Variants in MAGI2 observed in about 807,000 individuals in gnomAD.
MAGI2 encodes membrane-associated guanylate kinase, WW and PDZ domain-containing protein 2.
A neutral mutation model predicts 133.3 loss-of-function variants in MAGI2; 35 were observed. That is an observed-to-expected ratio of 0.26 (90% confidence interval 0.20 to 0.35). The LOEUF (loss-of-function observed/expected upper bound fraction) is 0.35, where lower values mean the gene tolerates loss of function less well. MAGI2 is among the 10% of genes least tolerant of loss of function. MAGI2 has a pLI of 1.00. For missense variants in MAGI2, 1,636 were observed against 1,863.4 expected (o/e 0.88, Z 2.25); for synonymous variants, 729 against 710.6 (o/e 1.03, Z -0.41).
intron 1 of MAGI2, among the ~76,000 whole-genome samples, chr7:79,383,627 A>G (rs1843964927): frequency 6.6e-6 from 1 of 151,582 alleles, no homozygotes; most frequent in Non-Finnish European, 1.5e-5. Context: ...ATTTATTAAT[A>G]TTAGAATCAT....
intron 9 of MAGI2, among the ~76,000 whole-genome samples, chr7:78,312,392 T>C (rs1194577058): frequency 6.6e-6 from 1 of 152,148 alleles, no homozygotes; most frequent in Non-Finnish European, 1.5e-5. Flanking sequence ...CTGTAAATTT[T>C]AGCTACCGCA....
At chr7:78,230,599 A>C (rs1269471251) in intron 10 of MAGI2, among the ~76,000 whole-genome samples, 1 of 152,196 alleles carries the variant, frequency 6.6e-6, no homozygotes, top group Non-Finnish European at 1.5e-5. Context: ...GTCAATTGAA[A>C]TTCTAGGCTC....
At chr7:78,859,109 C>A (rs1769287152) in intron 2 of MAGI2, among the ~76,000 whole-genome samples, 1 of 151,970 alleles carries the variant, frequency 6.6e-6, no homozygotes, top group African/African-American at 2.4e-5. Flanking sequence ...TTCCTCCATC[C>A]CTTTATTTTG....
intron 20 of MAGI2, among the ~76,000 whole-genome samples, chr7:78,123,011 T>G (rs1051905058): frequency 6.6e-6 from 1 of 152,210 alleles, no homozygotes; most frequent in Non-Finnish European, 1.5e-5. Context: ...TCCAGTAATA[T>G]TTTCTAATAA....
intron 2 of MAGI2, among the ~76,000 whole-genome samples, chr7:78,783,342 G>A (rs1031745859): frequency 2.6e-5 from 4 of 151,988 alleles, no homozygotes; most frequent in African/African-American, 7.2e-5. Flanking sequence ...ATGACCAGTC[G>A]GAGAAAAAGG....
chr7:78,993,488 G>A (rs1805987107), intron 2 of MAGI2, among the ~76,000 whole-genome samples: 1 of 151,996 alleles, frequency 6.6e-6, no homozygotes, highest in African/African-American at 2.4e-5. Context: ...GTTTTTGCAG[G>A]AGGGCTCTAC....
intron 2 of MAGI2, among the ~76,000 whole-genome samples, chr7:78,926,380 A>G (rs1799693995): frequency 6.6e-6 from 1 of 152,038 alleles, no homozygotes; most frequent in East Asian, 1.9e-4. Flanking sequence ...AGTTCAAAGA[A>G]TTCTTTCTAA....
Position 78,027,573 on chromosome 7 carries a change from A to C in MAGI2, c.3707-7597T>G, listed in dbSNP as rs573279225. On this transcript the variant is annotated intron_variant, in intron 21 of 21. Transcript: ENST00000354212. Reference sequence around the variant, plus strand: ...AACCTGGGAGGCAGAAGTTACAGTGAGCCGAGATCATGCCTCTGCACTCCA... The same window carrying C: ...AACCTGGGAGGCAGAAGTTACAGTGCGCCGAGATCATGCCTCTGCACTCCA... 6.0e-5 allele frequency among the ~76,000 whole-genome samples: 9 copies of C among 150,812 alleles called. No homozygotes were observed. The South Asian group carries it at 1.9e-3, about 32-fold the overall frequency.
rs180898081 is a variant in MAGI2, at chr7:78,525,971, G to C, written c.539-4326C>G. Among the ~76,000 whole-genome samples, 121 of 152,312 alleles carry C rather than the reference G, an allele frequency of 7.9e-4. 1 individual carries two copies. The South Asian group carries it at 0.011, about 13-fold the overall frequency. ...AAGGATATATGACGTGACTAGATCA[G>C]AGTAGATGCTCAAAATAGGGTGCTA... On this transcript the variant is annotated intron_variant, in intron 3 of 21. Transcript: ENST00000354212.
At chr7:78,668,912 T>C (rs1422631082) in intron 2 of MAGI2, among the ~76,000 whole-genome samples, 2 of 151,828 alleles carry the variant, frequency 1.3e-5, no homozygotes, top group Non-Finnish European at 2.9e-5. Context: ...CTGGGACGCA[T>C]TCAAAGCAGT....
At chr7:78,265,668 G>A (rs527568714) in intron 9 of MAGI2, among the ~76,000 whole-genome samples, 4 of 152,144 alleles carry the variant, frequency 2.6e-5, no homozygotes, top group East Asian at 1.9e-4. Context: ...CATATTAACC[G>A]CCCCCAACCC....
In MAGI2 at chr7:79,136,108, AGAAAG is replaced by A. The variant is rs1380777777; in HGVS notation, c.302-128907_302-128903del. Among the ~76,000 whole-genome samples the A allele has an allele frequency of 5.3e-5, 8 of 151,504 alleles. No individual in the cohort carries two copies. In the South Asian group the frequency reaches 1.5e-3, roughly 28 times the overall value. ...AAGAAAGAAAGAAAGAAAGAAAGAAAGAAAGAAAGAAAGAAAGAAAGACACAAAAG... is the reference window on the plus strand; with the variant it reads ...AAGAAAGAAAGAAAGAAAGAAAGAAAAAAGAAAGAAAGAAAGACACAAAAG... On this transcript the variant is annotated intron_variant, in intron 1 of 21. Transcript: ENST00000354212.
At chr7:78,628,554 A>G (rs1286411625) in intron 2 of MAGI2, among the ~76,000 whole-genome samples, 1 of 152,008 alleles carries the variant, frequency 6.6e-6, no homozygotes, top group Non-Finnish European at 1.5e-5. Context: ...TTGATTTTGG[A>G]TAAAAATGAA....
At chr7:78,249,840 T>C (rs986681707) in intron 10 of MAGI2, among the ~76,000 whole-genome samples, 3 of 152,040 alleles carry the variant, frequency 2.0e-5, no homozygotes, top group African/African-American at 7.2e-5. Context: ...TCAAAGTAGA[T>C]AGAGGATTTT....
rs192908655 is a variant in MAGI2 at position 78,591,984 on chromosome 7, T to C, written c.538+35136A>G. ...GTAAAGACATTTTATTAAAGAGTTG[T>C]GTGATAAGAACAAGGAAATTCCTTA... is the stretch of plus-strand genomic sequence containing the variant. On this transcript the variant is annotated intron_variant, in intron 3 of 21. Transcript: ENST00000354212. Among the ~76,000 whole-genome samples, 166 of 152,260 alleles carry C rather than the reference T, an allele frequency of 1.1e-3. 1 individual carries two copies. The highest frequency in any genetic ancestry group is 3.8e-3 in the African/African-American group (159 of 41,544).
intron 1 of MAGI2, among the ~76,000 whole-genome samples, chr7:79,396,224 G>A (rs149177720): frequency 3.9e-5 from 6 of 152,120 alleles, no homozygotes; most frequent in South Asian, 2.1e-4. Context: ...AGCAGCAAAT[G>A]TGTGTCATTT....
chr7:79,369,109 T>C lies in MAGI2; in HGVS notation c.301+83911A>G, dbSNP rs373194287. 1.6e-3 allele frequency among the ~76,000 whole-genome samples: 247 copies of C among 152,310 alleles called. 2 individuals carry two copies. Among genetic ancestry groups the C allele is most frequent in the South Asian group, 0.013 (64 of 4,832 alleles). On this transcript the variant is annotated intron_variant, in intron 1 of 21. Coordinates refer to ENST00000354212, the MANE Select transcript of MAGI2 (RefSeq NM_012301.4). ...TTTTAAAGAGCAAATGGAAACCATT[T>C]CTGAGCATCTCTCCTGTAAAGTGTA...
At chr7:78,112,239 G>A (rs1819430006) in intron 20 of MAGI2, among the ~76,000 whole-genome samples, 1 of 152,166 alleles carries the variant, frequency 6.6e-6, no homozygotes, top group Non-Finnish European at 1.5e-5. Context: ...CATACCCAGT[G>A]CTTTTGAAGT....
intron 2 of MAGI2, among the ~76,000 whole-genome samples, chr7:78,949,447 G>A (rs7797351): frequency 0.57 from 87,268 of 151,864 alleles, 25,654 homozygotes; most frequent in Non-Finnish European, 0.63. Context: ...GTGAAACTAC[G>A]AATAACAAAA....
Sources: allele counts gnomAD v4.1 joint callset (sites outside exome capture counted in the v4.1 genomes callset), GRCh38; gene constraint gnomAD v4.1.1; transcripts MANE v1.5; gene names NCBI Gene and HGNC (gene_info 2026-07-23, HGNC 2026-07-21).